Variants in TRPC4 observed in about 807,000 individuals in gnomAD.
TRPC4 encodes the protein transient receptor potential cation channel subfamily C member 4.
Under a neutral mutation model 99.4 loss-of-function variants are expected in TRPC4, and 49 were observed. The ratio of observed to expected loss-of-function variants is 0.49; its 90% CI spans 0.39 to 0.63. The LOEUF is 0.63. Among genes scored for constraint, TRPC4 ranks in the 20% least tolerant of loss-of-function variants. The pLI is 0.00. For missense variants in TRPC4, 898 were observed against 1,152.9 expected, an observed-to-expected ratio of 0.78 and a Z score of 3.20; for synonymous variants, 454 against 425.9, an observed-to-expected ratio of 1.07 and a Z score of -0.81.
chr13:37,756,922 G>A (rs1258118928), intron 2 of TRPC4, among the ~76,000 whole-genome samples: 1 of 151,924 alleles, frequency 6.6e-6, no homozygotes. Context: ...AATTCGGCAC[G>A]ATTACATACA....
intron 1 of TRPC4, among the ~76,000 whole-genome samples, chr13:37,790,019 A>G (rs566808325): frequency 6.6e-6 from 1 of 152,240 alleles, no homozygotes; most frequent in Admixed American, 6.5e-5. Flanking sequence ...ATAAAAAGGG[A>G]TAGGAGAAAA....
chr13:37,866,860 T>G (rs1473853633), intron 1 of TRPC4, among the ~76,000 whole-genome samples: 196 of 78,594 alleles, frequency 2.5e-3, no homozygotes, highest in Middle Eastern at 7.7e-3. Context: ...GGGGGGCGGG[T>G]ATAGGGTATA....
chr13:37,801,263 T>C (rs1013136692), intron 1 of TRPC4, among the ~76,000 whole-genome samples: 1 of 152,176 alleles, frequency 6.6e-6, no homozygotes, highest in African/African-American at 2.4e-5. Context: ...ATCCCTCTCC[T>C]CTGGCAGAGA....
chr13:37,687,713 T>C lies in TRPC4; in HGVS notation c.1234+4286A>G, dbSNP rs145744193. On this transcript the variant is annotated intron_variant, in intron 4 of 10. Transcript: ENST00000379705. Reference sequence around the variant, plus strand: ...AAATAAGTTAAGAGCCTCAGAGTCATGGAGAACGTAAAAGTACCCAAGTCT... The same window carrying C: ...AAATAAGTTAAGAGCCTCAGAGTCACGGAGAACGTAAAAGTACCCAAGTCT... Among the ~76,000 whole-genome samples, 954 of 152,294 alleles carry C rather than the reference T, an allele frequency of 6.3e-3. 6 individuals carry two copies. The highest frequency in any genetic ancestry group is 9.0e-3 in the Non-Finnish European group (613 of 68,012).
chr13:37,737,207 C>T (rs1307120061), intron 3 of TRPC4, among the ~76,000 whole-genome samples: 1 of 149,064 alleles, frequency 6.7e-6, no homozygotes, highest in African/African-American at 2.4e-5. Flanking sequence ...ATTGGGGACC[C>T]AGGAACAGAC....
At chr13:37,818,487 A>G (rs2139516464) in intron 1 of TRPC4, among the ~76,000 whole-genome samples, 1 of 152,284 alleles carries the variant, frequency 6.6e-6, no homozygotes, top group African/African-American at 2.4e-5. Flanking sequence ...TACTACTATA[A>G]AGATACATGC....
intron 2 of TRPC4, among the ~76,000 whole-genome samples, chr13:37,765,106 C>T (rs1956329523): frequency 6.6e-6 from 1 of 151,086 alleles, no homozygotes; most frequent in Non-Finnish European, 1.5e-5. Flanking sequence ...TATTTTTGAT[C>T]TATCATATTC....
chr13:37,769,118 C>T (rs9603255), intron 2 of TRPC4, among the ~76,000 whole-genome samples: 1 of 151,430 alleles, frequency 6.6e-6, no homozygotes, highest in East Asian at 2.0e-4. Context: ...GAAACCTCTG[C>T]TAGTGTTGCA....
intron 2 of TRPC4, among the ~76,000 whole-genome samples, chr13:37,755,644 C>A (rs914283166): frequency 2.0e-5 from 3 of 151,992 alleles, no homozygotes; most frequent in Non-Finnish European, 4.4e-5. Context: ...TCAAATGATC[C>A]TCCTACCTCA....
At chr13:37,687,414 G>T (rs1456409733) in intron 4 of TRPC4, among the ~76,000 whole-genome samples, 3 of 152,098 alleles carry the variant, frequency 2.0e-5, no homozygotes, top group Admixed American at 6.6e-5. Flanking sequence ...GTTACAATCG[G>T]AGTTAGAATG....
At position 37,752,077 on chromosome 13, in the gene TRPC4, A is replaced by ATATATATG. The variant is rs985087601; in HGVS notation, c.379-5623_379-5622insCATATATA. Among the ~76,000 whole-genome samples, 8 of 117,898 alleles carry ATATATATG rather than the reference A, an allele frequency of 6.8e-5. 3 individuals are homozygous for ATATATATG. The highest frequency in any genetic ancestry group is 3.4e-4 in the Admixed American group (4 of 11,768). The allele number at this position is 117,898 out of a possible 152,430, so 77.3% of individuals were successfully genotyped here. ...CCAAAACCTGATAAAGCAGAAAACT[A>ATATATATG]TATATATATATATATATATGACTGG... On this transcript the variant is annotated intron_variant, in intron 2 of 10. Coordinates refer to ENST00000379705, the MANE Select transcript of TRPC4 (RefSeq NM_016179.4).
intron 1 of TRPC4, among the ~76,000 whole-genome samples, chr13:37,785,580 C>G (rs138307824): frequency 9.4e-4 from 143 of 152,120 alleles, no homozygotes; most frequent in African/African-American, 3.4e-3. Context: ...AAAATACAGG[C>G]TAAAATGAAA....
intron 1 of TRPC4, among the ~76,000 whole-genome samples, chr13:37,831,061 C>T (rs367820028): frequency 1.6e-4 from 24 of 151,884 alleles, no homozygotes; most frequent in Middle Eastern, 3.2e-3. Flanking sequence ...CTTGTCTCTT[C>T]GCTCTGTTAG....
intron 4 of TRPC4, among the ~76,000 whole-genome samples, chr13:37,680,925 T>A (rs921100579): frequency 6.6e-6 from 1 of 152,246 alleles, no homozygotes; most frequent in African/African-American, 2.4e-5. Flanking sequence ...AGCATTTATA[T>A]TTCATTATGT....
intron 1 of TRPC4, among the ~76,000 whole-genome samples, chr13:37,801,982 T>TA (rs1290005985): frequency 6.6e-6 from 1 of 152,088 alleles, no homozygotes; most frequent in Admixed American, 6.6e-5. Flanking sequence ...TACATATAAA[T>TA]CAATGAAGAT....
intron 3 of TRPC4, among the ~76,000 whole-genome samples, chr13:37,742,648 T>C (rs1343329736): frequency 6.6e-6 from 1 of 152,044 alleles, no homozygotes; most frequent in African/African-American, 2.4e-5. Context: ...CTTAGCTATG[T>C]GAATGAAGGT....
In TRPC4 at chr13:37,636,634, G is replaced by C. The variant is rs1439214479; in HGVS notation, c.*269C>G. 7.0e-6 allele frequency: 2 copies of C among 284,892 alleles called. No homozygotes were observed. Among genetic ancestry groups the C allele is most frequent in the African/African-American group, 4.4e-5 (2 of 45,852 alleles). 17.6% of individuals were successfully genotyped at this position (284,892 alleles called of 1,614,324 possible). A position where few individuals can be genotyped will look rare whatever the true frequency, so the allele number is the denominator to read the frequency against. ...AAAAGATAGCTAAAATGTTTCTGTGGGTTATTGCAACAGTACAAGAATACA... is the reference window on the plus strand; with the variant it reads ...AAAAGATAGCTAAAATGTTTCTGTGCGTTATTGCAACAGTACAAGAATACA... On this transcript the variant is annotated 3_prime_UTR_variant, in exon 11 of 11. Coordinates refer to ENST00000379705, the MANE Select transcript of TRPC4 (RefSeq NM_016179.4).
At position 37,633,382 on chromosome 13, in the gene TRPC4, G is replaced by C. The variant is rs1287320488; in HGVS notation, c.*3521C>G. On this transcript the variant is annotated 3_prime_UTR_variant, in exon 11 of 11. Coordinates refer to ENST00000379705, the MANE Select transcript of TRPC4 (RefSeq NM_016179.4). ...GCAGCTGTATACACCATAGAAGACA[G>C]CTAAAAATACAATGCATGAGGACTA... 6.6e-6 allele frequency among the ~76,000 whole-genome samples: 1 copy of C among 152,104 alleles called. No homozygotes were observed. Among genetic ancestry groups the C allele is most frequent in the East Asian group, 1.9e-4 (1 of 5,186 alleles).
chr13:37,801,926 A>G (rs1957415212), intron 1 of TRPC4, among the ~76,000 whole-genome samples: 1 of 152,130 alleles, frequency 6.6e-6, no homozygotes, highest in Non-Finnish European at 1.5e-5. Flanking sequence ...TGAAAACTGC[A>G]TGCACACTTA....
Sources: gnomAD v4.1 joint callset for allele counts (sites outside exome capture counted in the v4.1 genomes callset) on GRCh38, gnomAD v4.1.1 for gene constraint, MANE v1.5 for transcripts, NCBI Gene and HGNC (gene_info 2026-07-23, HGNC 2026-07-21) for gene names.